The following TRAPPC3L variants were observed in gnomAD, a reference collection of about 807,000 sequenced individuals.
TRAPPC3L encodes the protein trafficking protein particle complex subunit 3-like protein.
In TRAPPC3L, 23 loss-of-function variants were observed where a neutral mutation model predicts 23.7. The ratio of observed to expected loss-of-function variants is 0.97; its 90% CI spans 0.70 to 1.37. The LOEUF (loss-of-function observed/expected upper bound fraction) is 1.37. Among genes scored for constraint, TRAPPC3L ranks in the 40% most tolerant of loss-of-function variants. TRAPPC3L has a pLI of 0.00. For synonymous variants in TRAPPC3L, 81 were observed against 77.9 expected (o/e 1.04, Z -0.21); for missense variants, 212 against 216.8 (o/e 0.98, Z 0.14).
chr6:116,537,184 CAAGA>C (rs2115220053), intron 3 of TRAPPC3L, among the ~76,000 whole-genome samples: 1 of 152,230 alleles, frequency 6.6e-6, no homozygotes, highest in South Asian at 2.1e-4. Flanking sequence ...TCCTCATTGA[CAAGA>C]AAGAATCTTG....
At chr6:116,537,103 C>A (rs867931100) in intron 3 of TRAPPC3L, among the ~76,000 whole-genome samples, 30 of 152,124 alleles carry the variant, frequency 2.0e-4, no homozygotes, top group African/African-American at 5.6e-4. Flanking sequence ...GGAAATCAGG[C>A]CTTTGAAGGA....
At chr6:116,521,111 T>C (rs953353728) in intron 3 of TRAPPC3L, 1 of 149,080 alleles carries the variant, frequency 6.7e-6, no homozygotes, top group African/African-American at 2.4e-5. Context: ...TGTATGCGTG[T>C]ATATATATAT....
chr6:116,514,106 T>A (rs9320565), intron 3 of TRAPPC3L, among the ~76,000 whole-genome samples: 58,347 of 151,946 alleles, frequency 0.38, 12,757 homozygotes, highest in East Asian at 0.54. Context: ...ATAAGACACT[T>A]TTGAGGGCTG....
At chr6:116,533,241 A>G (rs1772850101) in intron 3 of TRAPPC3L, among the ~76,000 whole-genome samples, 1 of 152,238 alleles carries the variant, frequency 6.6e-6, no homozygotes, top group South Asian at 2.1e-4. Flanking sequence ...GGGATTGAGA[A>G]AGCGAACATA....
At chr6:116,498,129 CAG>C (rs1771860677) in intron 4 of TRAPPC3L, among the ~76,000 whole-genome samples, 1 of 152,166 alleles carries the variant, frequency 6.6e-6, no homozygotes, top group Non-Finnish European at 1.5e-5. Context: ...ATTAAATTAA[CAG>C]GGAGACAATG....
intron 3 of TRAPPC3L, among the ~76,000 whole-genome samples, chr6:116,515,027 A>G (rs550875467): frequency 1.4e-4 from 22 of 152,222 alleles, no homozygotes; most frequent in Non-Finnish European, 2.9e-4. Flanking sequence ...CTAATTACCA[A>G]AAATCAAGAC....
chr6:116,516,190 G>T lies in TRAPPC3L; in HGVS notation c.241-15524C>A, dbSNP rs961152924. 3 of 589,806 alleles carry T rather than the reference G, an allele frequency of 5.1e-6. No individual in the cohort carries two copies. The Admixed American group carries it at 1.2e-4, about 23-fold the overall frequency. The allele number at this position is 589,806 out of a possible 1,614,324, so 36.5% of individuals were successfully genotyped here. On this transcript the variant is annotated intron_variant, in intron 3 of 4. Coordinates refer to ENST00000368602, the MANE Select transcript of TRAPPC3L (RefSeq NM_001139444.3). Reference sequence around the variant, plus strand: ...CAAATTGATGCTGAGGGGTGACAAAGGTGCTCTTGCATTGGTGGAGAGGGG... The same window carrying T: ...CAAATTGATGCTGAGGGGTGACAAATGTGCTCTTGCATTGGTGGAGAGGGG...
intron 3 of TRAPPC3L, among the ~76,000 whole-genome samples, chr6:116,513,246 C>T (rs1463425728): frequency 6.6e-6 from 1 of 152,216 alleles, no homozygotes; most frequent in Non-Finnish European, 1.5e-5. Flanking sequence ...AAATCATACA[C>T]TCCAAAGCTG....
chr6:116,504,153 A>C (rs1771966325), intron 3 of TRAPPC3L, among the ~76,000 whole-genome samples: 2 of 152,210 alleles, frequency 1.3e-5, no homozygotes, highest in African/African-American at 4.8e-5. Context: ...AAAGAAGAAA[A>C]GACAGAATCA....
In TRAPPC3L at chr6:116,540,374, T is replaced by C; in HGVS notation, c.229A>G (p.Ile77Val). 6.4e-7 allele frequency: 1 copy of C among 1,551,064 alleles called. No homozygotes were observed. Among genetic ancestry groups the C allele is most frequent in the Non-Finnish European group, 8.7e-7 (1 of 1,146,640 alleles). ...RCHSYSEIID[I>V]IAQVAFKMYL... The stretch of plus-strand genomic sequence containing the variant: ...AAAAACATAGTTACCTGGGCAATTA[T>C]GTCTATAATTTCTGAATAACTATGG... Residue 77 changes from isoleucine (I) to valine (V), a missense_variant, in exon 3 of 5, where the codon ATA becomes GTA. Ile to Val is a conservative substitution (Grantham distance 29). Transcript: ENST00000368602.
chr6:116,536,874 T>A (rs972086968), intron 3 of TRAPPC3L, among the ~76,000 whole-genome samples: 14 of 152,318 alleles, frequency 9.2e-5, no homozygotes, highest in African/African-American at 3.1e-4. Flanking sequence ...TCATTTGACA[T>A]CTGCCTCCTC....
chr6:116,528,395 G>A (rs1028840233), intron 3 of TRAPPC3L, among the ~76,000 whole-genome samples: 7 of 152,120 alleles, frequency 4.6e-5, no homozygotes, highest in African/African-American at 7.2e-5. Context: ...GGTACAAAGC[G>A]GAATAGACCA....
rs10557481 is a variant in TRAPPC3L, at chr6:116,530,902, CATATATATATAT to C, written c.240+9449_240+9460del. Among the ~76,000 whole-genome samples, 499 of 76,484 alleles carry C rather than the reference CATATATATATAT, an allele frequency of 6.5e-3. 5 individuals are homozygous for C. The South Asian group carries it at 0.069, about 11-fold the overall frequency. The allele number at this position is 76,484 out of a possible 152,430, so 50.2% of individuals were successfully genotyped here. On this transcript the variant is annotated intron_variant, in intron 3 of 4. Coordinates refer to ENST00000368602, the MANE Select transcript of TRAPPC3L (RefSeq NM_001139444.3). Reference sequence around the variant, plus strand: ...GAAGGTTCATAGATAAAGTGAGACTCATATATATATATATATATATATATATATATATATATA... The same window carrying C: ...GAAGGTTCATAGATAAAGTGAGACTCATATATATATATATATATATATATA...
Position 116,536,979 on chromosome 6 carries a change from G to T in TRAPPC3L, c.240+3384C>A, listed in dbSNP as rs201838295. ...TTTTTAACAAAGCTTCAGTGGGCAG[G>T]TCCATAACTAAAGTCTGACCTTTCA... On this transcript the variant is annotated intron_variant, in intron 3 of 4. Coordinates refer to ENST00000368602, the MANE Select transcript of TRAPPC3L (RefSeq NM_001139444.3). Among the ~76,000 whole-genome samples, 7 of 152,332 alleles carry T rather than the reference G, an allele frequency of 4.6e-5. No individual in the cohort carries two copies. The East Asian group carries it at 1.2e-3, about 25-fold the overall frequency.
rs1771997923 is a variant in TRAPPC3L at position 116,505,916 on chromosome 6, T to C, written c.241-5250A>G. ...GTAAAACCTAAAACCATGAAAATCC[T>C]AGAAGAAAACCTAGGCAATACCATT... is the stretch of plus-strand genomic sequence containing the variant. On this transcript the variant is annotated intron_variant, in intron 3 of 4. Transcript: ENST00000368602. Among the ~76,000 whole-genome samples, 3 of 152,298 alleles carry C rather than the reference T, an allele frequency of 2.0e-5. No individual in the cohort carries two copies. In the South Asian group the frequency reaches 6.2e-4, roughly 32 times the overall value.
Position 116,537,459 on chromosome 6 carries a change from A to G in TRAPPC3L, c.240+2904T>C, listed in dbSNP as rs145506180. On this transcript the variant is annotated intron_variant, in intron 3 of 4. Coordinates refer to ENST00000368602, the MANE Select transcript of TRAPPC3L (RefSeq NM_001139444.3). The stretch of plus-strand genomic sequence containing the variant: ...AATATGGTTTCTGAATATAATTTCT[A>G]AATGGGGAACATTCTGGGTTTTTTT... Among the ~76,000 whole-genome samples the G allele has an allele frequency of 1.6e-3, 251 of 152,330 alleles. 1 individual carries two copies. The highest frequency in any genetic ancestry group is 3.0e-3 in the Non-Finnish European group (207 of 68,026).
chr6:116,498,794 C>T (rs1047199224), intron 4 of TRAPPC3L, among the ~76,000 whole-genome samples: 1 of 152,212 alleles, frequency 6.6e-6, no homozygotes, highest in Admixed American at 6.5e-5. Flanking sequence ...TCTCTTGTTT[C>T]TATGACTCCT....
intron 2 of TRAPPC3L, among the ~76,000 whole-genome samples, chr6:116,540,890 T>C (rs1441561853): frequency 1.3e-5 from 2 of 152,088 alleles, no homozygotes; most frequent in Non-Finnish European, 2.9e-5. Flanking sequence ...AGCATTGTTA[T>C]CAGGGTAGAA....
chr6:116,525,080 T>C (rs987062803), intron 3 of TRAPPC3L, among the ~76,000 whole-genome samples: 4 of 152,196 alleles, frequency 2.6e-5, no homozygotes, highest in African/African-American at 7.2e-5. Context: ...CTAATTTCCA[T>C]CACACAAATT....
Sources: allele counts gnomAD v4.1 joint callset (sites outside exome capture counted in the v4.1 genomes callset), GRCh38; gene constraint gnomAD v4.1.1; transcripts MANE v1.5; gene names NCBI Gene and HGNC (gene_info 2026-07-23, HGNC 2026-07-21).